The following PPM1H variants were observed in gnomAD, a reference collection of about 807,000 sequenced individuals.
PPM1H encodes protein phosphatase 1H.
A neutral mutation model predicts 54.9 loss-of-function variants in PPM1H; 27 were observed. The ratio of observed to expected loss-of-function variants is 0.49; its 90% confidence interval spans 0.36 to 0.68. PPM1H has a LOEUF of 0.68. PPM1H is among the 30% of genes least tolerant of loss of function. PPM1H has a pLI of 0.00. For synonymous variants in PPM1H, 305 were observed against 270.8 expected, an observed-to-expected ratio of 1.13 and a Z score of -1.24; for missense variants, 596 against 667.8, an observed-to-expected ratio of 0.89 and a Z score of 1.19.
chr12:62,928,793 C>A (rs1204310118), intron 1 of PPM1H, among the ~76,000 whole-genome samples: 4 of 151,864 alleles, frequency 2.6e-5, no homozygotes. Flanking sequence ...GGTTTAATGT[C>A]CCCGCTGAGT....
chr12:62,898,998 T>C (rs1419973871), intron 1 of PPM1H, among the ~76,000 whole-genome samples: 2 of 152,168 alleles, frequency 1.3e-5, no homozygotes, highest in African/African-American at 4.8e-5. Context: ...GGGATGTTGA[T>C]CACTCTTAGG....
intron 2 of PPM1H, among the ~76,000 whole-genome samples, chr12:62,830,994 C>T (rs962578994): frequency 2.6e-5 from 4 of 152,100 alleles, no homozygotes; most frequent in Non-Finnish European, 4.4e-5. Context: ...GCTGGGATTA[C>T]AGGCGCCCGC....
chr12:62,724,994 G>C (rs2076282585), intron 5 of PPM1H, among the ~76,000 whole-genome samples: 1 of 152,192 alleles, frequency 6.6e-6, no homozygotes, highest in South Asian at 2.1e-4. Flanking sequence ...GAGAGCACCG[G>C]TGACGCAGCA....
At chr12:62,728,734 G>A (rs1295590670) in intron 5 of PPM1H, among the ~76,000 whole-genome samples, 2 of 152,068 alleles carry the variant, frequency 1.3e-5, no homozygotes, top group Admixed American at 1.3e-4. Flanking sequence ...CCTCAGCAGG[G>A]CAAGGAAAAA....
chr12:62,748,398 T>A (rs1452786133), intron 4 of PPM1H, among the ~76,000 whole-genome samples: 3 of 152,194 alleles, frequency 2.0e-5, no homozygotes, highest in African/African-American at 7.2e-5. Flanking sequence ...CAAAGCAAAG[T>A]GCTTTGAGGC....
In PPM1H at chr12:62,720,146, G is replaced by A. The variant is rs192423576; in HGVS notation, c.1073+25C>T. The A allele has an allele frequency of 1.5e-3, 2,281 of 1,538,412 alleles. 44 individuals carry two copies. In the Admixed American group the frequency reaches 0.035, roughly 24 times the overall value. On this transcript the variant is annotated intron_variant, in intron 6 of 9. Coordinates refer to ENST00000228705, the MANE Select transcript of PPM1H (RefSeq NM_020700.2). ...TCCTTCACACACACTGTGTGGTTCCGAGGCAGAGGAAGGCATGTTCTTACC... is the reference window on the plus strand; with the variant it reads ...TCCTTCACACACACTGTGTGGTTCCAAGGCAGAGGAAGGCATGTTCTTACC...
chr12:62,646,700 C>T lies in PPM1H; in HGVS notation c.*1789G>A, dbSNP rs2075787288. 2 of 152,282 alleles carry T rather than the reference C, an allele frequency of 1.3e-5. No individual in the cohort carries two copies. The highest frequency in any genetic ancestry group is 1.3e-4 in the Admixed American group (2 of 15,284). 9.4% of individuals were successfully genotyped at this position (152,282 alleles called of 1,614,324 possible). On this transcript the variant is annotated 3_prime_UTR_variant, in exon 10 of 10. Coordinates refer to ENST00000228705, the MANE Select transcript of PPM1H (RefSeq NM_020700.2). ...GGCCGAAGTCCCATTCTTCCCAGGC[C>T]AACACTTGCACAAACACCTGGTGGC...
At chr12:62,895,990 T>C (rs1359652446) in intron 1 of PPM1H, among the ~76,000 whole-genome samples, 1 of 152,224 alleles carries the variant, frequency 6.6e-6, no homozygotes, top group African/African-American at 2.4e-5. Context: ...AATAGTTTAA[T>C]AAGCCCTATA....
intron 1 of PPM1H, among the ~76,000 whole-genome samples, chr12:62,930,208 A>G (rs1044486973): frequency 3.9e-5 from 6 of 152,338 alleles, no homozygotes; most frequent in Middle Eastern, 3.4e-3. Context: ...CTGGATTTAA[A>G]TAAGGTTATT....
chr12:62,657,023 A>G (rs577616366), intron 9 of PPM1H, among the ~76,000 whole-genome samples: 1 of 152,180 alleles, frequency 6.6e-6, no homozygotes, highest in Non-Finnish European at 1.5e-5. Context: ...TGCTCATGCC[A>G]GCTTCTGTCC....
intron 3 of PPM1H, among the ~76,000 whole-genome samples, chr12:62,793,179 G>A (rs1330365791): frequency 6.6e-6 from 1 of 152,106 alleles, no homozygotes; most frequent in Non-Finnish European, 1.5e-5. Flanking sequence ...TATCATTCAA[G>A]TATGGTCTAA....
At chr12:62,695,297 G>A (rs890460915) in intron 6 of PPM1H, among the ~76,000 whole-genome samples, 2 of 152,096 alleles carry the variant, frequency 1.3e-5, no homozygotes, top group African/African-American at 4.8e-5. Context: ...CAATGCCTTT[G>A]GTATAGCCCT....
At chr12:62,834,992 T>C (rs1868459525) in intron 1 of PPM1H, among the ~76,000 whole-genome samples, 1 of 152,124 alleles carries the variant, frequency 6.6e-6, no homozygotes, top group Admixed American at 6.5e-5. Flanking sequence ...CATCCCTCCA[T>C]ACTGTCATCC....
chr12:62,883,336 C>T (rs1199762258), intron 1 of PPM1H, among the ~76,000 whole-genome samples: 1 of 152,074 alleles, frequency 6.6e-6, no homozygotes, highest in Non-Finnish European at 1.5e-5. Context: ...ACCAGTACTG[C>T]CCCCACCCAT....
chr12:62,691,928 G>T (rs970436280), intron 7 of PPM1H, among the ~76,000 whole-genome samples: 5 of 152,026 alleles, frequency 3.3e-5, no homozygotes, highest in African/African-American at 1.2e-4. Flanking sequence ...AAAATTCTGA[G>T]TCCCTTGTGG....
At chr12:62,761,681 C>T (rs2076510394) in intron 4 of PPM1H, among the ~76,000 whole-genome samples, 1 of 152,274 alleles carries the variant, frequency 6.6e-6, no homozygotes, top group East Asian at 1.9e-4. Context: ...TACTGAGAAT[C>T]TCTATAAAAG....
chr12:62,822,350 G>T (rs2076908886), intron 2 of PPM1H, among the ~76,000 whole-genome samples: 1 of 152,166 alleles, frequency 6.6e-6, no homozygotes, highest in Non-Finnish European at 1.5e-5. Context: ...CAATGAGACA[G>T]AAGGTTAACA....
intron 9 of PPM1H, among the ~76,000 whole-genome samples, chr12:62,664,844 T>A (rs1017031135): frequency 3.9e-5 from 6 of 152,222 alleles, no homozygotes; most frequent in African/African-American, 1.4e-4. Flanking sequence ...TTTGTTTACT[T>A]CATCCTTGTT....
intron 6 of PPM1H, among the ~76,000 whole-genome samples, chr12:62,710,540 A>AG: frequency 6.6e-6 from 1 of 150,794 alleles, no homozygotes; most frequent in Non-Finnish European, 1.5e-5. Context: ...GTCTCTTTAA[A>AG]AAAAAAAAAA....
Sources: gnomAD v4.1 joint callset for allele counts (sites outside exome capture counted in the v4.1 genomes callset) on GRCh38, gnomAD v4.1.1 for gene constraint, MANE v1.5 for transcripts, NCBI Gene and HGNC (gene_info 2026-07-23, HGNC 2026-07-21) for gene names.